The following HIVEP3 variants were observed in gnomAD, a reference collection of about 807,000 sequenced individuals.
HIVEP3 encodes the protein HIVEP zinc finger 3.
In HIVEP3, 49 loss-of-function variants were observed where a neutral mutation model predicts 152.8. The observed-to-expected ratio is 0.32, with a 90% CI of 0.26 to 0.41. The LOEUF (loss-of-function observed/expected upper bound fraction) is 0.41, where lower values mean the gene tolerates loss of function less well. Ranked by LOEUF, HIVEP3 falls within the 10% of genes least tolerant of loss-of-function variation. The pLI is 1.00. For synonymous variants in HIVEP3, 1,269 were observed against 1,289.0 expected, an observed-to-expected ratio of 0.98 and a Z score of 0.33; for missense variants, 2,790 against 3,103.3, an observed-to-expected ratio of 0.90 and a Z score of 2.40.
At chr1:41,736,729 G>A (rs1020133629) in intron 1 of HIVEP3, among the ~76,000 whole-genome samples, 1 of 152,196 alleles carries the variant, frequency 6.6e-6, no homozygotes, top group Admixed American at 6.5e-5. Context: ...GGGGATTAAG[G>A]CACAAGGATG....
chr1:41,698,330 A>T (rs1325953050), intron 2 of HIVEP3, among the ~76,000 whole-genome samples: 1 of 152,094 alleles, frequency 6.6e-6, no homozygotes, highest in Non-Finnish European at 1.5e-5. Context: ...GGTAGAGACT[A>T]AGTTTATTCA....
intron 1 of HIVEP3, among the ~76,000 whole-genome samples, chr1:41,776,908 C>G (rs1648739258): frequency 6.6e-6 from 1 of 152,190 alleles, no homozygotes; most frequent in African/African-American, 2.4e-5. Flanking sequence ...GGGAACTAAG[C>G]TCTTTCTCTG....
intron 1 of HIVEP3, among the ~76,000 whole-genome samples, chr1:41,767,695 C>T (rs575516039): frequency 1.4e-3 from 211 of 152,328 alleles, no homozygotes; most frequent in Non-Finnish European, 2.2e-3. Flanking sequence ...CCTGCTTCTC[C>T]CTCACTCAGT....
Position 41,840,999 on chromosome 1 carries a change from T to C in HIVEP3, c.-801+77414A>G, listed in dbSNP as rs1051542403. ...TTATTAACTTGCTAAATCAAAGGGC[T>C]GTTAAAGTCTCTGTCCGGTAATAAA... On this transcript the variant is annotated intron_variant, in intron 1 of 8. Transcript: ENST00000372583. 2.0e-5 allele frequency among the ~76,000 whole-genome samples: 3 copies of C among 152,244 alleles called. No individual in the cohort carries two copies. In the East Asian group the frequency reaches 5.8e-4, roughly 29 times the overall value.
chr1:41,567,754 C>T (rs892767329), intron 5 of HIVEP3, among the ~76,000 whole-genome samples: 1 of 152,212 alleles, frequency 6.6e-6, no homozygotes. Flanking sequence ...TTCATTTTTA[C>T]CTTGAACACC....
chr1:41,881,235 G>A (rs2124426942), intron 1 of HIVEP3, among the ~76,000 whole-genome samples: 1 of 152,306 alleles, frequency 6.6e-6, no homozygotes. Context: ...ATACTTTTGT[G>A]CTGACTGCTT....
chr1:41,597,894 A>C lies in HIVEP3; in HGVS notation c.-521-12576T>G, dbSNP rs74069941. 1.2e-3 allele frequency among the ~76,000 whole-genome samples: 184 copies of C among 152,334 alleles called. 1 individual carries two copies. The highest frequency in any genetic ancestry group is 3.9e-3 in the African/African-American group (163 of 41,578). ...ACCTCACCTACACACATCTACAAAC[A>C]AGGCCCAGATGCTTGTAGCTAATTC... On this transcript the variant is annotated intron_variant, in intron 3 of 8. Transcript: ENST00000372583.
At chr1:41,897,232 T>C (rs184190200) in intron 1 of HIVEP3, among the ~76,000 whole-genome samples, 10 of 152,268 alleles carry the variant, frequency 6.6e-5, no homozygotes, top group Admixed American at 3.9e-4. Context: ...TCTGGCTAAA[T>C]TGGCCTAACA....
At chr1:41,739,152 C>T (rs898111100) in intron 1 of HIVEP3, among the ~76,000 whole-genome samples, 6 of 152,366 alleles carry the variant, frequency 3.9e-5, no homozygotes, top group East Asian at 3.9e-4. Flanking sequence ...AAGGAGCCCG[C>T]GCCGCCTCTG....
chr1:42,018,286 G>T (rs1444013374), intron 1 of HIVEP3, among the ~76,000 whole-genome samples: 2 of 108,598 alleles, frequency 1.8e-5, no homozygotes, highest in Non-Finnish European at 2.0e-5. Flanking sequence ...TCTGTGTAAT[G>T]TTTAAGAAAT....
At chr1:41,562,631 C>CTTTCTTTCTT (rs1558063149) in intron 5 of HIVEP3, among the ~76,000 whole-genome samples, 3 of 85,458 alleles carry the variant, frequency 3.5e-5, no homozygotes, top group African/African-American at 9.5e-5. Flanking sequence ...CTCTCTCTCT[C>CTTTCTTTCTT]TCCCTCTCTC....
At chr1:41,719,232 CA>C (rs1230705724) in intron 1 of HIVEP3, among the ~76,000 whole-genome samples, 1 of 152,176 alleles carries the variant, frequency 6.6e-6, no homozygotes, top group Admixed American at 6.5e-5. Context: ...ATGAAAACAG[CA>C]TTCAAGGACA....
At chr1:41,812,882 AG>A (rs1651048508) in intron 1 of HIVEP3, among the ~76,000 whole-genome samples, 1 of 7,610 alleles carries the variant, frequency 1.3e-4, no homozygotes, top group Non-Finnish European at 2.4e-4. Context: ...GGATGGGTGG[AG>A]GGGGTGGGGG....
intron 1 of HIVEP3, among the ~76,000 whole-genome samples, chr1:42,013,217 T>G (rs1645503319): frequency 6.6e-6 from 1 of 152,186 alleles, no homozygotes; most frequent in Non-Finnish European, 1.5e-5. Context: ...AATTTCTACT[T>G]TTTATAAGCA....
At position 41,841,434 on chromosome 1, in the gene HIVEP3, C is replaced by T. The variant is rs1037003540; in HGVS notation, c.-801+76979G>A. On this transcript the variant is annotated intron_variant, in intron 1 of 8. Transcript: ENST00000372583. The stretch of plus-strand genomic sequence containing the variant: ...ACAAACAGTGCAAAGCCTCCGGAGC[C>T]GAATGCTCTGTGAATATCAGTGCAG... Among the ~76,000 whole-genome samples the T allele has an allele frequency of 3.3e-5, 5 of 152,174 alleles. No homozygotes were observed. In the South Asian group the frequency reaches 6.2e-4, roughly 19 times the overall value.
chr1:41,705,550 G>T (rs1173867346), intron 1 of HIVEP3, among the ~76,000 whole-genome samples: 2 of 152,190 alleles, frequency 1.3e-5, no homozygotes, highest in Non-Finnish European at 2.9e-5. Context: ...GCAGACCGAG[G>T]CTCAAAACAC....
intron 1 of HIVEP3, among the ~76,000 whole-genome samples, chr1:42,022,869 T>G (rs1645562327): frequency 6.6e-6 from 1 of 152,212 alleles, no homozygotes; most frequent in African/African-American, 2.4e-5. Context: ...CTACAGAACA[T>G]GGTGAGATAT....
At chr1:41,588,048 A>C (rs1044571596) in intron 3 of HIVEP3, among the ~76,000 whole-genome samples, 4 of 152,212 alleles carry the variant, frequency 2.6e-5, no homozygotes, top group Admixed American at 2.6e-4. Context: ...AGGTCGGGGA[A>C]CTCGTCCTGG....
At chr1:41,881,910 G>A (rs1232354662) in intron 1 of HIVEP3, among the ~76,000 whole-genome samples, 1 of 152,178 alleles carries the variant, frequency 6.6e-6, no homozygotes, top group African/African-American at 2.4e-5. Context: ...GTGTAAGAGA[G>A]TTGATGAGAA....
Sources: allele counts gnomAD v4.1 joint callset (sites outside exome capture counted in the v4.1 genomes callset), GRCh38; gene constraint gnomAD v4.1.1; transcripts MANE v1.5; gene names NCBI Gene and HGNC (gene_info 2026-07-23, HGNC 2026-07-21).